FRRS1: variants seen among roughly 807,000 people sequenced by gnomAD.
FRRS1 encodes the protein ferric reductase 1.
A neutral mutation model predicts 70.7 loss-of-function variants in FRRS1; 51 were observed. The ratio of observed to expected loss-of-function variants is 0.72; its 90% CI spans 0.58 to 0.91. The LOEUF is 0.91. Ranked by LOEUF, FRRS1 falls within the 40% of genes least tolerant of loss-of-function variation. The pLI, the probability that FRRS1 is intolerant of heterozygous loss-of-function variation, is 0.00. For missense variants in FRRS1, 672 were observed against 726.0 expected, an observed-to-expected ratio of 0.93 and a Z score of 0.86; for synonymous variants, 225 against 238.7, an observed-to-expected ratio of 0.94 and a Z score of 0.53.
Position 99,730,681 on chromosome 1 carries a change from C to A in FRRS1, c.760-933G>T, listed in dbSNP as rs1023890855. Among the ~76,000 whole-genome samples the A allele has an allele frequency of 2.6e-5, 4 of 152,124 alleles. No homozygotes were observed. In the South Asian group the frequency reaches 6.2e-4, roughly 24 times the overall value. On this transcript the variant is annotated intron_variant, in intron 7 of 16. Coordinates refer to ENST00000646001, the MANE Select transcript of FRRS1 (RefSeq NM_001361041.2). ...AGGAGATCCAGACCATCCTGGCTAA[C>A]ATGGTGAAACCCCGTCTCTACTAAA...
chr1:99,708,769 G>T lies in FRRS1; in HGVS notation c.*259C>A. On this transcript the variant is annotated 3_prime_UTR_variant, in exon 17 of 17. Coordinates refer to ENST00000646001, the MANE Select transcript of FRRS1 (RefSeq NM_001361041.2). ...CTTAAAATCTTGGCATGAAATATTT[G>T]AGAGTTACTTCTCCTGAAGTACAAT... is the stretch of plus-strand genomic sequence containing the variant. 1.7e-6 allele frequency: 1 copy of T among 576,656 alleles called. No homozygotes were observed. 35.7% of individuals were successfully genotyped at this position (576,656 alleles called of 1,614,324 possible). A position where few individuals can be genotyped will look rare whatever the true frequency, so the allele number is the denominator to read the frequency against.
Position 99,705,711 on chromosome 1 carries a change from C to G in FRRS1, c.*3317G>C, listed in dbSNP as rs1334417512. Reference sequence around the variant, plus strand: ...TTTACTTGATAACCCATACTATAGACTACCTTTGCCCTTAAGATTGATTTC... The same window carrying G: ...TTTACTTGATAACCCATACTATAGAGTACCTTTGCCCTTAAGATTGATTTC... On this transcript the variant is annotated 3_prime_UTR_variant, in exon 17 of 17. Transcript: ENST00000646001. Among the ~76,000 whole-genome samples the G allele has an allele frequency of 1.3e-5, 2 of 152,196 alleles. No homozygotes were observed. Among genetic ancestry groups the G allele is most frequent in the Non-Finnish European group, 2.9e-5 (2 of 68,034 alleles).
chr1:99,740,950 A>AATACCAG lies in FRRS1; in HGVS notation c.429-17_429-11dup. ...CTCAACAACTGTGACTCTGAAATGC[A>AATACCAG]ATACCAGTGAGATTAGAACCCTAAT... On this transcript the variant is annotated splice_polypyrimidine_tract_variant and intron_variant, in intron 5 of 16. Coordinates refer to ENST00000646001, the MANE Select transcript of FRRS1 (RefSeq NM_001361041.2). The AATACCAG allele has an allele frequency of 6.2e-7, 1 of 1,609,892 alleles. No homozygotes were observed. The highest frequency in any genetic ancestry group is 1.7e-5 in the Admixed American group (1 of 60,016).
intron 7 of FRRS1, among the ~76,000 whole-genome samples, chr1:99,734,927 T>C (rs1285556738): frequency 2.6e-5 from 4 of 152,100 alleles, no homozygotes; most frequent in Admixed American, 6.5e-5. Context: ...AATTGGGGCA[T>C]GGAGAGATCA....
chr1:99,754,308 C>T (rs766048169), intron 1 of FRRS1, among the ~76,000 whole-genome samples: 2 of 152,044 alleles, frequency 1.3e-5, no homozygotes, highest in African/African-American at 2.4e-5. Context: ...TAAAAACAAA[C>T]AAAAAATAAG....
intron 9 of FRRS1, among the ~76,000 whole-genome samples, chr1:99,725,880 A>G (rs979064101): frequency 6.6e-6 from 1 of 152,252 alleles, no homozygotes; most frequent in Non-Finnish European, 1.5e-5. Flanking sequence ...GTTTTCCTCT[A>G]AAGTATAATT....
At chr1:99,750,921 AC>A (rs777420613) in intron 1 of FRRS1, among the ~76,000 whole-genome samples, 3 of 152,228 alleles carry the variant, frequency 2.0e-5, no homozygotes, top group Non-Finnish European at 4.4e-5. Context: ...TTATATGTCA[AC>A]TTGACTGGGC....
rs1232495981 is a variant in FRRS1 at position 99,728,659 on chromosome 1, G to T, written c.859-19C>A. The T allele has an allele frequency of 6.2e-7, 1 of 1,607,354 alleles. No individual in the cohort carries two copies. Among genetic ancestry groups the T allele is most frequent in the East Asian group, 2.2e-5 (1 of 44,706 alleles). On this transcript the variant is annotated intron_variant, in intron 8 of 16. Transcript: ENST00000646001. ...GGGTATCCTACAAACACACACAATG[G>T]GTCTTCTCAGCACTTTCCAAAGATT...
chr1:99,707,818 A>G lies in FRRS1; in HGVS notation c.*1210T>C, dbSNP rs1054055312. Among the ~76,000 whole-genome samples, 2 of 152,238 alleles carry G rather than the reference A, an allele frequency of 1.3e-5. No individual in the cohort carries two copies. The highest frequency in any genetic ancestry group is 4.8e-5 in the African/African-American group (2 of 41,474). On this transcript the variant is annotated 3_prime_UTR_variant, in exon 17 of 17. Transcript: ENST00000646001. ...ATGAATTCTTGAAATAAGGAATATA[A>G]CACTGACTATTCTGATTCAGTAGAA...
Position 99,712,135 on chromosome 1 carries a change from T to G in FRRS1, c.1450A>C (p.Ser484Arg). The G allele has an allele frequency of 1.2e-6, 2 of 1,610,842 alleles. No homozygotes were observed. The highest frequency in any genetic ancestry group is 1.7e-6 in the Non-Finnish European group (2 of 1,177,578). ...ATTATTCTAGCAGCTGTTCCCATAC[T>G]CCAATGAGTCCAGTTAAACATTTGC... ...RRQMFNWTHWSMGTAARIIAV... is the reference protein window; with the variant it reads ...RRQMFNWTHWRMGTAARIIAV... The change falls in exon 14 of 17, where the codon AGT becomes CGT. Residue 484 changes from serine to arginine, a missense_variant. By Grantham distance (110) the Ser-to-Arg change is moderately radical. Transcript: ENST00000646001.
chr1:99,706,871 A>G lies in FRRS1; in HGVS notation c.*2157T>C, dbSNP rs1367029451. 1.3e-5 allele frequency among the ~76,000 whole-genome samples: 2 copies of G among 151,106 alleles called. No homozygotes were observed. Among genetic ancestry groups the G allele is most frequent in the East Asian group, 3.9e-4 (2 of 5,192 alleles). ...TGCACCACTGCACTCCAGCCTAGAC[A>G]ACAGAGTGAGACTTTGTCACAAAAA... is the stretch of plus-strand genomic sequence containing the variant. On this transcript the variant is annotated 3_prime_UTR_variant, in exon 17 of 17. Coordinates refer to ENST00000646001, the MANE Select transcript of FRRS1 (RefSeq NM_001361041.2).
intron 11 of FRRS1, 142 bp from the exon 12 acceptor site, chr1:99,715,814 G>T: frequency 5.8e-6 from 3 of 518,776 alleles, no homozygotes; most frequent in African/African-American, 2.0e-5. Context: ...ACAGTTTGTA[G>T]CCAGGTTAAG....
At chr1:99,730,824 G>A (rs78976052) in intron 7 of FRRS1, among the ~76,000 whole-genome samples, 19,665 of 144,662 alleles carry the variant, frequency 0.14, 1,984 homozygotes, top group African/African-American at 0.29. Context: ...CCGAGATCGC[G>A]CCACTGCACT....
At chr1:99,715,780 C>A (rs1319842887) in intron 11 of FRRS1, 108 bp from the exon 12 acceptor site, 6 of 653,522 alleles carry the variant, frequency 9.2e-6, no homozygotes, top group African/African-American at 1.8e-5. Flanking sequence ...TCACTGAAGG[C>A]ATGCATTCAA....
At chr1:99,725,680 G>A (rs1032197686) in intron 9 of FRRS1, among the ~76,000 whole-genome samples, 4 of 152,136 alleles carry the variant, frequency 2.6e-5, no homozygotes, top group Non-Finnish European at 4.4e-5. Context: ...CAAGGGAGGG[G>A]GAACAATGCT....
At chr1:99,751,722 G>T (rs1279411907) in intron 1 of FRRS1, among the ~76,000 whole-genome samples, 1 of 152,068 alleles carries the variant, frequency 6.6e-6, no homozygotes, top group Non-Finnish European at 1.5e-5. Context: ...GGAATGTGTT[G>T]CTGGTAAAAC....
intron 1 of FRRS1, among the ~76,000 whole-genome samples, chr1:99,752,725 A>G (rs1285056374): frequency 3.3e-5 from 5 of 152,228 alleles, no homozygotes. Flanking sequence ...AGCCTGGGCA[A>G]TATAATGAGA....
chr1:99,717,321 G>T, intron 11 of FRRS1, 89 bp downstream of exon 11: 1 of 855,894 alleles, frequency 1.2e-6, no homozygotes, highest in Non-Finnish European at 2.0e-6. Flanking sequence ...ACCACAAAAC[G>T]CATACACATA....
chr1:99,724,321 CT>C (rs1234684966), intron 9 of FRRS1, among the ~76,000 whole-genome samples: 2 of 152,152 alleles, frequency 1.3e-5, no homozygotes, highest in African/African-American at 4.8e-5. Context: ...TGTGTCTCTA[CT>C]TCATTAATTA....
Sources: allele counts gnomAD v4.1 joint callset (sites outside exome capture counted in the v4.1 genomes callset), GRCh38; gene constraint gnomAD v4.1.1; transcripts MANE v1.5; gene names NCBI Gene and HGNC (gene_info 2026-07-23, HGNC 2026-07-21).